PDE4A: variants seen among roughly 807,000 people sequenced by gnomAD.
PDE4A encodes the protein phosphodiesterase 4A.
A neutral mutation model predicts 73.9 loss-of-function variants in PDE4A; 21 were observed. The ratio of observed to expected loss-of-function variants is 0.28; its 90% CI spans 0.20 to 0.41. The LOEUF (loss-of-function observed/expected upper bound fraction) is 0.41. Ranked by LOEUF, PDE4A falls within the 10% of genes least tolerant of loss-of-function variation. PDE4A has a pLI of 1.00. For synonymous variants in PDE4A, 463 were observed against 505.4 expected, an observed-to-expected ratio of 0.92 and a Z score of 1.13; for missense variants, 958 against 1,211.4, an observed-to-expected ratio of 0.79 and a Z score of 3.10.
chr19:10,422,296 C>T (rs988986143), intron 1 of PDE4A, among the ~76,000 whole-genome samples: 1 of 152,162 alleles, frequency 6.6e-6, no homozygotes, highest in African/African-American at 2.4e-5. Context: ...GTGATTGAAA[C>T]ACAGTGGCTG....
chr19:10,421,030 C>A lies in PDE4A; in HGVS notation c.266C>A (p.Ser89Tyr). The change falls in exon 1 of 15, where the codon TCC becomes TAC. Residue 89 changes from serine (S) to tyrosine (Y), a missense_variant. Coordinates refer to ENST00000380702, the MANE Select transcript of PDE4A (RefSeq NM_001111307.2). Reference sequence around the variant, plus strand: ...ACGACCCGCATGTCCTGGCCCTCGTCCTTCCATGGCACTGGCACCGGCAGC... The same window carrying A: ...ACGACCCGCATGTCCTGGCCCTCGTACTTCCATGGCACTGGCACCGGCAGC... ...LRTTRMSWPS[S>Y]FHGTGTGSGG... The A allele has an allele frequency of 6.9e-7, 1 of 1,439,096 alleles. No homozygotes were observed. Among genetic ancestry groups the A allele is most frequent in the Non-Finnish European group, 9.0e-7 (1 of 1,106,164 alleles). The allele number at this position is 1,439,096 out of a possible 1,614,324, so 89.1% of individuals were successfully genotyped here. A position where few individuals can be genotyped will look rare whatever the true frequency, so the allele number is the denominator to read the frequency against.
intron 1 of PDE4A, 78 bp downstream of exon 1, chr19:10,421,162 G>A: frequency 7.5e-7 from 1 of 1,340,198 alleles, no homozygotes; most frequent in Non-Finnish European, 9.5e-7. Context: ...CGGCCGCAGG[G>A]GGCGCTAGGA....
intron 14 of PDE4A, among the ~76,000 whole-genome samples, chr19:10,465,700 T>C (rs1234180868): frequency 1.6e-5 from 2 of 123,006 alleles, no homozygotes; most frequent in African/African-American, 3.1e-5. Flanking sequence ...TTTTTTTTTT[T>C]TTTTTTTTTT....
chr19:10,437,423 TTTTC>T (rs962773730), intron 1 of PDE4A, among the ~76,000 whole-genome samples: 1 of 150,580 alleles, frequency 6.6e-6, no homozygotes, highest in Non-Finnish European at 1.5e-5. Context: ...TGCCCGGCCT[TTTTC>T]TTTTTTTTTT....
intron 1 of PDE4A, among the ~76,000 whole-genome samples, chr19:10,431,634 T>C (rs982424488): frequency 5.3e-5 from 8 of 152,126 alleles, no homozygotes; most frequent in Non-Finnish European, 1.0e-4. Flanking sequence ...CAGCCCGGAG[T>C]TGGGCACTGG....
intron 2 of PDE4A, among the ~76,000 whole-genome samples, chr19:10,447,213 TTC>T (rs2043019730): frequency 1.4e-5 from 2 of 138,856 alleles, no homozygotes; most frequent in African/African-American, 2.7e-5. Context: ...GTTCCTTTTT[TTC>T]TCTTTTTTTT....
At chr19:10,462,087 C>A in intron 13 of PDE4A, 88 bp downstream of exon 13, 2 of 1,069,554 alleles carry the variant, frequency 1.9e-6, no homozygotes, top group Non-Finnish European at 2.7e-6. Flanking sequence ...CTTCCTCAGC[C>A]TCTTTCTCCC....
rs367865734 is a variant in PDE4A, at chr19:10,462,217, T to TCCGCCTC, written c.1743+243_1743+249dup. 6.6e-3 allele frequency among the ~76,000 whole-genome samples: 1,006 copies of TCCGCCTC among 151,864 alleles called. 12 individuals carry two copies. Among genetic ancestry groups the TCCGCCTC allele is most frequent in the African/African-American group, 0.021 (864 of 41,296 alleles). On this transcript the variant is annotated intron_variant, in intron 13 of 14. Coordinates refer to ENST00000380702, the MANE Select transcript of PDE4A (RefSeq NM_001111307.2). ...GGCGCCATCTTGGCTCACCACAACC[T>TCCGCCTC]CCGCCTCCCGCCTCCCGCCTCCCGC... is the stretch of plus-strand genomic sequence containing the variant.
upstream of PDE4A, chr19:10,419,018 G>A: frequency 2.0e-6 from 2 of 984,792 alleles, no homozygotes; most frequent in Non-Finnish European, 2.4e-6. Flanking sequence ...CCCCTCTGGC[G>A]GGGAGAAAAG....
At chr19:10,416,978 G>T, upstream of PDE4A, 1 of 1,541,688 alleles carries the variant, frequency 6.5e-7, no homozygotes, top group African/African-American at 1.4e-5. Context: ...CCGTGGCAGG[G>T]ACCGGGGACG....
At chr19:10,450,520 G>A in intron 4 of PDE4A, 83 bp from the exon 5 acceptor site, 3 of 1,500,812 alleles carry the variant, frequency 2.0e-6, no homozygotes, top group Non-Finnish European at 2.7e-6. Context: ...AATGAAAATT[G>A]GCACTGTTCA....
At chr19:10,450,569 C>G (rs974735002) in intron 4 of PDE4A, 34 bp from the exon 5 acceptor site, 3 of 1,573,004 alleles carry the variant, frequency 1.9e-6, no homozygotes, top group Non-Finnish European at 2.6e-6. Context: ...GGGACCCAGG[C>G]TGACATTGCA....
chr19:10,453,422 T>G lies in PDE4A; in HGVS notation c.784-1407T>G. 7.0e-7 allele frequency: 1 copy of G among 1,418,938 alleles called. No homozygotes were observed. The highest frequency in any genetic ancestry group is 9.4e-7 in the Non-Finnish European group (1 of 1,060,394). The allele number at this position is 1,418,938 out of a possible 1,614,324, so 87.9% of individuals were successfully genotyped here. A position where few individuals can be genotyped will look rare whatever the true frequency, so the allele number is the denominator to read the frequency against. On this transcript the variant is annotated intron_variant, in intron 6 of 14. Transcript: ENST00000380702. This position sits in a 1 kb window ranked among gnomAD's most constrained non-coding sequence, Gnocchi z 4.6. The stretch of plus-strand genomic sequence containing the variant: ...TGTGCAGCTGTGCACGTGTGTGGCC[T>G]GGAGATGAAGCCTTGTGACTGTCTC...
intron 1 of PDE4A, among the ~76,000 whole-genome samples, chr19:10,444,179 G>A (rs1192605764): frequency 1.3e-5 from 2 of 151,820 alleles, no homozygotes; most frequent in African/African-American, 4.8e-5. Context: ...CTGGGAGTTT[G>A]AGACCAGCCT....
At chr19:10,460,400 G>A (rs1881178329) in intron 10 of PDE4A, among the ~76,000 whole-genome samples, 2 of 151,926 alleles carry the variant, frequency 1.3e-5, no homozygotes, top group African/African-American at 2.4e-5. Context: ...TCCAGAGGCT[G>A]AGGCAGGAGA....
intron 1 of PDE4A, chr19:10,430,807 C>G (rs2042777483): frequency 5.7e-6 from 5 of 873,416 alleles, no homozygotes; most frequent in Admixed American, 1.2e-4. Context: ...GGCGGCGCAG[C>G]TCCCCAGCGC....
upstream of PDE4A, among the ~76,000 whole-genome samples, chr19:10,418,529 G>A (rs998966359): frequency 6.6e-6 from 1 of 151,724 alleles, no homozygotes; most frequent in African/African-American, 2.4e-5. Context: ...TCAATTGGAG[G>A]GTTCCAGGGT....
At chr19:10,417,821 G>A, upstream of PDE4A, 2 of 1,558,420 alleles carry the variant, frequency 1.3e-6, no homozygotes, top group East Asian at 2.4e-5. Flanking sequence ...CCCTGCCGCT[G>A]CTGATCCCAC....
Position 10,433,906 on chromosome 19 carries a change from G to A in PDE4A, c.321-12312G>A, listed in dbSNP as rs375405561. On this transcript the variant is annotated intron_variant, in intron 1 of 14. Transcript: ENST00000380702. Reference sequence around the variant, plus strand: ...TGCGCCCCGGGGGAAGACACTCGTCGCAGCTTTGTAGCTCAGCTGCCTGGG... The same window carrying A: ...TGCGCCCCGGGGGAAGACACTCGTCACAGCTTTGTAGCTCAGCTGCCTGGG... Among the ~76,000 whole-genome samples the A allele has an allele frequency of 4.0e-5, 6 of 151,850 alleles. No individual in the cohort carries two copies. The East Asian group carries it at 9.6e-4, about 24-fold the overall frequency.
Sources: allele counts gnomAD v4.1 joint callset (sites outside exome capture counted in the v4.1 genomes callset), GRCh38; gene constraint gnomAD v4.1.1; non-coding constraint Gnocchi (gnomAD v3.1); transcripts MANE v1.5; gene names NCBI Gene and HGNC (gene_info 2026-07-23, HGNC 2026-07-21).